Variants in GNB1 observed in about 807,000 individuals in gnomAD.
The protein encoded by GNB1 is guanine nucleotide-binding protein G(I)/G(S)/G(T) subunit beta-1.
GNB1 carries 2 observed loss-of-function variants against 42.9 expected under a neutral mutation model. The ratio of observed to expected loss-of-function variants is 0.05; its 90% CI spans 0.02 to 0.15. The LOEUF is 0.15. Among genes scored for constraint, GNB1 ranks in the 10% least tolerant of loss-of-function variants. The probability of loss-of-function intolerance (pLI) is 1.00; values close to 1 mark genes in which losing one functional copy is unlikely to be tolerated. For synonymous variants in GNB1, 183 were observed against 174.7 expected (o/e 1.05, Z -0.38); for missense variants, 193 against 462.2 (o/e 0.42, Z 5.34).
chr1:1,864,623 C>T (rs1035828295), intron 1 of GNB1, among the ~76,000 whole-genome samples: 49 of 152,136 alleles, frequency 3.2e-4, no homozygotes, highest in African/African-American at 1.2e-3. Context: ...CCAGGAAGTA[C>T]ATTTTTGGGT....
chr1:1,795,154 G>A (rs532685962), intron 7 of GNB1, among the ~76,000 whole-genome samples: 1 of 152,028 alleles, frequency 6.6e-6, no homozygotes, highest in South Asian at 2.1e-4. Context: ...CAGCTCAGAG[G>A]AGGATAGCCC....
intron 7 of GNB1, among the ~76,000 whole-genome samples, chr1:1,798,072 G>A (rs973752337): frequency 2.6e-5 from 4 of 152,270 alleles, no homozygotes; most frequent in Non-Finnish European, 4.4e-5. Flanking sequence ...TGCACTTGGA[G>A]AGCAGAGGTG....
intron 1 of GNB1, among the ~76,000 whole-genome samples, chr1:1,880,059 G>T (rs1210664946): frequency 6.6e-6 from 1 of 151,640 alleles, no homozygotes; most frequent in Non-Finnish European, 1.5e-5. Context: ...AGCCTCCCCA[G>T]TAGATGGGAC....
At chr1:1,802,022 G>A (rs983747644) in intron 7 of GNB1, among the ~76,000 whole-genome samples, 1 of 152,150 alleles carries the variant, frequency 6.6e-6, no homozygotes, top group Non-Finnish European at 1.5e-5. Context: ...TAATCACAAA[G>A]AGACAACAAA....
At chr1:1,801,644 T>G (rs990285599) in intron 7 of GNB1, among the ~76,000 whole-genome samples, 1 of 152,096 alleles carries the variant, frequency 6.6e-6, no homozygotes, top group African/African-American at 2.4e-5. Context: ...AAAATAGATT[T>G]CTTTAAAAAA....
At chr1:1,817,971 T>A in intron 3 of GNB1, 96 bp from the exon 4 acceptor site, 1 of 930,956 alleles carries the variant, frequency 1.1e-6, no homozygotes, top group Non-Finnish European at 1.8e-6. Context: ...TTTCCTAAGC[T>A]GTCAGGAGCA....
intron 1 of GNB1, among the ~76,000 whole-genome samples, chr1:1,870,159 C>A (rs1364778366): frequency 2.0e-5 from 3 of 152,098 alleles, no homozygotes; most frequent in Non-Finnish European, 4.4e-5. Context: ...CCGCACCAGG[C>A]CCAAAGACAA....
chr1:1,802,486 A>G (rs1199981894), intron 7 of GNB1, among the ~76,000 whole-genome samples: 1 of 152,216 alleles, frequency 6.6e-6, no homozygotes, highest in Non-Finnish European at 1.5e-5. Flanking sequence ...AATACAATAT[A>G]GGCTGGGAGT....
chr1:1,808,886 C>T (rs180851298), intron 5 of GNB1, among the ~76,000 whole-genome samples: 4 of 152,056 alleles, frequency 2.6e-5, no homozygotes, highest in Admixed American at 6.6e-5. Context: ...TCAAGTGATC[C>T]GCCCACCTTG....
chr1:1,869,248 A>G, intron 1 of GNB1, among the ~76,000 whole-genome samples: 1 of 152,092 alleles, frequency 6.6e-6, no homozygotes, highest in African/African-American at 2.4e-5. Context: ...AAACTTACAA[A>G]GACCAGAGGC....
chr1:1,809,692 G>A (rs988374232), intron 5 of GNB1, among the ~76,000 whole-genome samples: 3 of 152,088 alleles, frequency 2.0e-5, no homozygotes, highest in African/African-American at 7.2e-5. Flanking sequence ...ACTTCCAGAG[G>A]GATTAGGGAC....
intron 1 of GNB1, among the ~76,000 whole-genome samples, chr1:1,859,183 G>A (rs1360943407): frequency 4.0e-5 from 6 of 151,866 alleles, no homozygotes; most frequent in Admixed American, 1.3e-4. Flanking sequence ...CACAAAGCCC[G>A]GCTAATTTTT....
At chr1:1,845,824 T>TACACACACACACACACACACAC (rs55953457) in intron 1 of GNB1, among the ~76,000 whole-genome samples, 1 of 140,280 alleles carries the variant, frequency 7.1e-6, no homozygotes, top group African/African-American at 2.7e-5. Context: ...TGTAAGTCCA[T>TACACACACACACACACACACAC]ACACACACAC....
intron 1 of GNB1, among the ~76,000 whole-genome samples, chr1:1,859,878 G>T (rs375668370): frequency 2.1e-4 from 31 of 151,176 alleles, no homozygotes; most frequent in African/African-American, 7.3e-4. Context: ...TGTAAGGAAG[G>T]GATCCATTTT....
chr1:1,884,132 ATTTTT>A (rs200884371), intron 1 of GNB1, among the ~76,000 whole-genome samples: 1 of 137,064 alleles, frequency 7.3e-6, no homozygotes, highest in South Asian at 2.3e-4. Context: ...TGCCCGACTA[ATTTTT>A]TTTTTTTTTT....
At position 1,841,829 on chromosome 1, in the gene GNB1, C is replaced by G. The variant is rs529750697; in HGVS notation, c.-95-2591G>C. Among the ~76,000 whole-genome samples the G allele has an allele frequency of 1.4e-4, 22 of 152,302 alleles. No individual in the cohort carries two copies. The South Asian group carries it at 2.9e-3, about 20-fold the overall frequency. ...AATTAAACACAGAATTACCCCATAA[C>G]CCAGCAATTCTACTCCTAGGTATAT... On this transcript the variant is annotated intron_variant, in intron 1 of 11. Transcript: ENST00000378609.
At chr1:1,865,451 T>G (rs1195256439) in intron 1 of GNB1, among the ~76,000 whole-genome samples, 1 of 151,732 alleles carries the variant, frequency 6.6e-6, no homozygotes, top group Non-Finnish European at 1.5e-5. Context: ...CCAGGTGTGG[T>G]GGCGGGCACC....
rs540393789 is a variant in GNB1 at position 1,827,114 on chromosome 1, T to A, written c.-46-1615A>T. The stretch of plus-strand genomic sequence containing the variant: ...TCAAAATCTAACTGATAGCAGTTAT[T>A]TTCTTGAGATTAAAACCCATCTGTG... On this transcript the variant is annotated intron_variant, in intron 2 of 11. Transcript: ENST00000378609. 3.4e-3 allele frequency among the ~76,000 whole-genome samples: 516 copies of A among 152,340 alleles called. 2 individuals carry two copies. The highest frequency in any genetic ancestry group is 0.012 in the African/African-American group (495 of 41,580).
In GNB1 at chr1:1,861,269, C is replaced by A. The variant is rs569462426; in HGVS notation, c.-95-22031G>T. ...GCCAGGACTTGGAGCCCAGTCTGGGCAACATAAAGAGTCCTCATCTCCACA... is the reference window on the plus strand; with the variant it reads ...GCCAGGACTTGGAGCCCAGTCTGGGAAACATAAAGAGTCCTCATCTCCACA... On this transcript the variant is annotated intron_variant, in intron 1 of 11. Transcript: ENST00000378609. Among the ~76,000 whole-genome samples the A allele has an allele frequency of 7.2e-5, 11 of 152,074 alleles. No homozygotes were observed. The South Asian group carries it at 1.5e-3, about 20-fold the overall frequency.
Sources: gnomAD v4.1 joint callset for allele counts (sites outside exome capture counted in the v4.1 genomes callset) on GRCh38, gnomAD v4.1.1 for gene constraint, MANE v1.5 for transcripts, NCBI Gene and HGNC (gene_info 2026-07-23, HGNC 2026-07-21) for gene names.